The following EGFR variants were observed in gnomAD, a reference collection of about 807,000 sequenced individuals.
EGFR encodes avian erythroblastic leukemia viral (v-erb-b) oncogene homolog.
EGFR carries 58 observed loss-of-function variants against 143.0 expected under a neutral mutation model. The observed-to-expected ratio is 0.41, with a 90% CI of 0.33 to 0.50. EGFR has a LOEUF of 0.50. EGFR is among the 20% of genes least tolerant of loss of function. The probability of loss-of-function intolerance (pLI) is 0.39; values close to 1 mark genes in which losing one functional copy is unlikely to be tolerated. For missense variants in EGFR, 1,307 were observed against 1,579.0 expected (o/e 0.83, Z 2.92); for synonymous variants, 613 against 594.4 (o/e 1.03, Z -0.45).
At chr7:55,100,366 T>C (rs1026699236) in intron 1 of EGFR, among the ~76,000 whole-genome samples, 2 of 152,238 alleles carry the variant, frequency 1.3e-5, no homozygotes, top group African/African-American at 4.8e-5. Flanking sequence ...AACCGCCATC[T>C]CTGCCCCAGC....
chr7:55,068,328 C>G (rs1262315263), intron 1 of EGFR, among the ~76,000 whole-genome samples: 3 of 152,116 alleles, frequency 2.0e-5, no homozygotes, highest in Admixed American at 2.0e-4. Flanking sequence ...ATAGAGAATA[C>G]AAAGAGGAGA....
At chr7:55,171,532 C>T (rs1786354352) in intron 16 of EGFR, among the ~76,000 whole-genome samples, 1 of 152,230 alleles carries the variant, frequency 6.6e-6, no homozygotes, top group South Asian at 2.1e-4. Context: ...TTCTGTGCCT[C>T]TAGCTCCTCT....
chr7:55,112,074 G>A (rs1029415841), intron 1 of EGFR, among the ~76,000 whole-genome samples: 2 of 152,110 alleles, frequency 1.3e-5, no homozygotes, highest in Non-Finnish European at 2.9e-5. Flanking sequence ...CACCCACGAC[G>A]CCCTCACTAA....
chr7:55,203,987 T>C (rs982946442), intron 27 of EGFR, among the ~76,000 whole-genome samples: 1 of 151,062 alleles, frequency 6.6e-6, no homozygotes, highest in African/African-American at 2.4e-5. Context: ...TATATAAAGA[T>C]TTAGATATAT....
chr7:55,197,670 G>A (rs1009243276), intron 22 of EGFR, among the ~76,000 whole-genome samples: 13 of 152,154 alleles, frequency 8.5e-5, no homozygotes, highest in African/African-American at 2.2e-4. Context: ...AATATGTTGA[G>A]GTTTGTTCTT....
In EGFR at chr7:55,125,008, C is replaced by A. The variant is rs552094281; in HGVS notation, c.89-17278C>A. On this transcript the variant is annotated intron_variant, in intron 1 of 27. Coordinates refer to ENST00000275493, the MANE Select transcript of EGFR (RefSeq NM_005228.5). ...AAAGTTCAGCATACATGAGCGTCAC[C>A]TGGGAACCTTAATAAAGTGCAGATG... Among the ~76,000 whole-genome samples the A allele has an allele frequency of 3.3e-5, 5 of 152,358 alleles. No individual in the cohort carries two copies. In the South Asian group the frequency reaches 1.0e-3, roughly 32 times the overall value.
intron 2 of EGFR, among the ~76,000 whole-genome samples, chr7:55,142,720 C>G (rs936899322): frequency 4.6e-5 from 7 of 152,216 alleles, no homozygotes; most frequent in Non-Finnish European, 4.4e-5. Flanking sequence ...TGCTGCCATA[C>G]TCGCTCTTAA....
intron 1 of EGFR, among the ~76,000 whole-genome samples, chr7:55,028,379 G>A (rs1195402007): frequency 6.6e-6 from 1 of 152,106 alleles, no homozygotes; most frequent in Non-Finnish European, 1.5e-5. Flanking sequence ...TTATTTTAGT[G>A]CTGGAATAAA....
chr7:55,156,465 CTG>C (rs561483956), intron 8 of EGFR, 66 bp from the exon 9 acceptor site: 6 of 1,606,810 alleles, frequency 3.7e-6, no homozygotes, highest in South Asian at 1.1e-5. Flanking sequence ...TTCCCTCTGC[CTG>C]TGGATCCCTA....
chr7:55,142,540 C>A, intron 2 of EGFR, 103 bp downstream of exon 2: 1 of 1,443,506 alleles, frequency 6.9e-7, no homozygotes, highest in Non-Finnish European at 9.6e-7. Context: ...TTTGCTATGG[C>A]AATGACAAGT....
chr7:55,157,728 A>G lies in EGFR; in HGVS notation c.1273A>G (p.Ile425Val), dbSNP rs558565565. 4 of 1,614,214 alleles carry G rather than the reference A, an allele frequency of 2.5e-6. No individual in the cohort carries two copies. The highest frequency in any genetic ancestry group is 2.7e-5 in the African/African-American group (2 of 75,052). ...CCTCCATGCCTTTGAGAACCTAGAAATCATACGCGGCAGGACCAAGCAACA... is the reference window on the plus strand; with the variant it reads ...CCTCCATGCCTTTGAGAACCTAGAAGTCATACGCGGCAGGACCAAGCAACA... ...TDLHAFENLE[I>V]IRGRTKQHGQ... Residue 425 changes from isoleucine to valine, a missense_variant, in exon 11 of 28, where the codon ATC (isoleucine) becomes GTC (valine). Transcript: ENST00000275493.
intron 1 of EGFR, among the ~76,000 whole-genome samples, chr7:55,124,645 A>C (rs1793416119): frequency 6.6e-6 from 1 of 152,190 alleles, no homozygotes; most frequent in African/African-American, 2.4e-5. Context: ...AGATGACAAC[A>C]GTCAGGATCC....
chr7:55,057,083 G>A (rs528540177), intron 1 of EGFR, among the ~76,000 whole-genome samples: 6 of 152,326 alleles, frequency 3.9e-5, no homozygotes, highest in African/African-American at 1.4e-4. Flanking sequence ...TGGTACTGAA[G>A]GTGCTATCAT....
chr7:55,022,651 G>A (rs1230440539), intron 1 of EGFR, among the ~76,000 whole-genome samples: 1 of 152,206 alleles, frequency 6.6e-6, no homozygotes, highest in African/African-American at 2.4e-5. Flanking sequence ...CTTCCAGATT[G>A]CTTTCAAATC....
chr7:55,075,976 C>T (rs1790113256), intron 1 of EGFR, among the ~76,000 whole-genome samples: 1 of 152,200 alleles, frequency 6.6e-6, no homozygotes, highest in East Asian at 1.9e-4. Context: ...TTCCATTCAA[C>T]TGGAAATGTC....
chr7:55,105,358 C>A (rs1323279515), intron 1 of EGFR, among the ~76,000 whole-genome samples: 1 of 152,202 alleles, frequency 6.6e-6, no homozygotes, highest in Non-Finnish European at 1.5e-5. Context: ...GAAACTAGAT[C>A]ATTTGCTGTT....
intron 1 of EGFR, among the ~76,000 whole-genome samples, chr7:55,138,164 G>A (rs553691279): frequency 3.3e-5 from 5 of 152,208 alleles, no homozygotes; most frequent in East Asian, 1.9e-4. Context: ...GGATGTTTGC[G>A]GTACAATTCT....
chr7:55,190,499 T>A (rs1339701025), intron 20 of EGFR, among the ~76,000 whole-genome samples: 2 of 152,046 alleles, frequency 1.3e-5, no homozygotes, highest in Non-Finnish European at 2.9e-5. Context: ...CAAATCATTT[T>A]CACATAATAT....
At chr7:55,065,992 T>C (rs1300654127) in intron 1 of EGFR, among the ~76,000 whole-genome samples, 2 of 152,246 alleles carry the variant, frequency 1.3e-5, no homozygotes, top group Non-Finnish European at 2.9e-5. Flanking sequence ...AAAGATAAAC[T>C]TTTCCAAAAA....
Sources: allele counts gnomAD v4.1 joint callset (sites outside exome capture counted in the v4.1 genomes callset), GRCh38; gene constraint gnomAD v4.1.1; transcripts MANE v1.5; gene names NCBI Gene and HGNC (gene_info 2026-07-23, HGNC 2026-07-21).